The following CELF2 variants were observed in gnomAD, a reference collection of about 807,000 sequenced individuals.
CELF2 encodes the protein CUGBP Elav-like family member 2, also known as CUG triplet repeat RNA-binding protein 2.
In CELF2, 8 loss-of-function variants were observed where a neutral mutation model predicts 62.6. The observed-to-expected ratio is 0.13, with a 90% confidence interval of 0.07 to 0.23. The LOEUF (loss-of-function observed/expected upper bound fraction) is 0.23, where lower values mean the gene tolerates loss of function less well. CELF2 is among the 10% of genes least tolerant of loss of function. The pLI, the probability that CELF2 is intolerant of heterozygous loss-of-function variation, is 1.00. For missense variants in CELF2, 333 were observed against 671.0 expected (o/e 0.50, Z 5.56); for synonymous variants, 258 against 250.0 (o/e 1.03, Z -0.30).
chr10:11,062,063 C>G (rs529940914), intron 1 of CELF2, among the ~76,000 whole-genome samples: 3 of 152,228 alleles, frequency 2.0e-5, no homozygotes, highest in Non-Finnish European at 4.4e-5. Context: ...CTGCCCTCCT[C>G]GGCCTCCCAA....
At chr10:10,511,407 C>G in the CELF2 span, among the ~76,000 whole-genome samples, 22 of 151,898 alleles carry the variant, frequency 1.4e-4, no homozygotes, top group African/African-American at 5.3e-4. Context: ...GTTAAGACTC[C>G]ATCTCAAAAC....
the CELF2 span, among the ~76,000 whole-genome samples, chr10:10,699,671 C>T: frequency 5.3e-5 from 8 of 152,216 alleles, no homozygotes; most frequent in African/African-American, 1.9e-4. Flanking sequence ...ATGGCTTGTA[C>T]ATTTGAGGAA....
At chr10:10,863,306 G>A (rs1200899905) in intron 1 of CELF2, among the ~76,000 whole-genome samples, 1 of 152,170 alleles carries the variant, frequency 6.6e-6, no homozygotes, top group Non-Finnish European at 1.5e-5. Context: ...CAATGTGTGT[G>A]TTCTCATATG....
At chr10:11,068,288 G>A (rs2068706480) in intron 1 of CELF2, among the ~76,000 whole-genome samples, 1 of 152,184 alleles carries the variant, frequency 6.6e-6, no homozygotes, top group South Asian at 2.1e-4. Flanking sequence ...TGAGAGAGAA[G>A]AAAATGATAT....
the CELF2 span, among the ~76,000 whole-genome samples, chr10:10,485,630 A>G: frequency 1.3e-5 from 2 of 152,200 alleles, no homozygotes; most frequent in African/African-American, 4.8e-5. Context: ...TATATTAACA[A>G]TGTTCACAGT....
the CELF2 span, among the ~76,000 whole-genome samples, chr10:10,785,606 G>A: frequency 1.3e-5 from 2 of 152,194 alleles, no homozygotes; most frequent in Non-Finnish European, 2.9e-5. Flanking sequence ...ATTATGTTAA[G>A]TGAAGTAAGC....
At chr10:10,660,355 G>A in the CELF2 span, among the ~76,000 whole-genome samples, 158 of 152,340 alleles carry the variant, frequency 1.0e-3, no homozygotes, top group Non-Finnish European at 1.7e-3. Context: ...GATAGTGTGT[G>A]TTGGAGCAAA....
chr10:10,987,161 C>A (rs185650437), intron 2 of CELF2, among the ~76,000 whole-genome samples: 2 of 152,094 alleles, frequency 1.3e-5, no homozygotes, highest in Admixed American at 6.5e-5. Context: ...ACAGCAGAGA[C>A]GCTCAATTCC....
Position 10,979,737 on chromosome 10 carries a change from A to G in CELF2, c.89+59738A>G, listed in dbSNP as rs35640731. 3.5e-3 allele frequency among the ~76,000 whole-genome samples: 535 copies of G among 151,816 alleles called. 2 individuals carry two copies. The Middle Eastern group carries it at 0.038, about 11-fold the overall frequency. On this transcript the variant is annotated intron_variant, in intron 2 of 13. Coordinates refer to the CELF2 transcript ENST00000636488. ...AACCTCACAATTTACAAAGGACTTT[A>G]TCTAAGGAGCGAATCAAAGTTGACA... is the stretch of plus-strand genomic sequence containing the variant.
chr10:10,820,813 T>C lies in CELF2; in HGVS notation c.53+21996T>C, dbSNP rs1590789212. ...TTTTGTTCTCTCATTGTAAGAGCAA[T>C]GGAAACCATTTACACCTTCAAACAG... On this transcript the variant is annotated intron_variant, in intron 1 of 13. Coordinates refer to the CELF2 transcript ENST00000636488. Among the ~76,000 whole-genome samples the C allele has an allele frequency of 2.0e-5, 3 of 152,216 alleles. No homozygotes were observed. In the South Asian group the frequency reaches 6.2e-4, roughly 32 times the overall value.
At chr10:11,024,423 A>G (rs1288654456) in intron 1 of CELF2, among the ~76,000 whole-genome samples, 2 of 152,170 alleles carry the variant, frequency 1.3e-5, no homozygotes, top group Non-Finnish European at 2.9e-5. Flanking sequence ...CAACATGGCA[A>G]AACCCTGTGT....
At chr10:10,783,465 A>G in the CELF2 span, among the ~76,000 whole-genome samples, 1 of 152,192 alleles carries the variant, frequency 6.6e-6, no homozygotes, top group Non-Finnish European at 1.5e-5. Context: ...CAGCCTCAGA[A>G]GGAACCAACC....
intron 2 of CELF2, among the ~76,000 whole-genome samples, chr10:11,202,041 C>G (rs1193655810): frequency 6.6e-6 from 1 of 152,070 alleles, no homozygotes; most frequent in Non-Finnish European, 1.5e-5. Context: ...CATGACTGTA[C>G]CATGTAACAC....
the CELF2 span, among the ~76,000 whole-genome samples, chr10:10,755,677 G>T: frequency 6.6e-6 from 1 of 152,186 alleles, no homozygotes; most frequent in African/African-American, 2.4e-5. Flanking sequence ...CTCATGTGAT[G>T]GCCACGCCCC....
intron 1 of CELF2, among the ~76,000 whole-genome samples, chr10:11,128,434 G>A (rs866386711): frequency 1.2e-4 from 19 of 152,190 alleles, no homozygotes; most frequent in Non-Finnish European, 1.6e-4. Flanking sequence ...GTAGCTTGAT[G>A]GGGATGGCAT....
At chr10:10,790,523 GA>G in the CELF2 span, among the ~76,000 whole-genome samples, 1 of 152,066 alleles carries the variant, frequency 6.6e-6, no homozygotes, top group Non-Finnish European at 1.5e-5. Context: ...ACTAACGTGG[GA>G]ATTATTTTCC....
chr10:10,681,561 G>A, the CELF2 span, among the ~76,000 whole-genome samples: 40,611 of 151,932 alleles, frequency 0.27, 5,611 homozygotes, highest in South Asian at 0.47. Flanking sequence ...TTGGTCCCCA[G>A]TGAAATTTTA....
chr10:11,209,703 G>T (rs1204935456), intron 2 of CELF2, among the ~76,000 whole-genome samples: 1 of 151,590 alleles, frequency 6.6e-6, no homozygotes, highest in Non-Finnish European at 1.5e-5. Context: ...GCCAAAGCCA[G>T]TGACTGAGAG....
the CELF2 span, among the ~76,000 whole-genome samples, chr10:10,536,763 G>T: frequency 6.6e-6 from 1 of 152,208 alleles, no homozygotes; most frequent in East Asian, 1.9e-4. Flanking sequence ...TATTTACTGG[G>T]TAACTGAAAG....
Sources: gnomAD v4.1 joint callset for allele counts (sites outside exome capture counted in the v4.1 genomes callset) on GRCh38, gnomAD v4.1.1 for gene constraint, MANE v1.5 for transcripts, NCBI Gene and HGNC (gene_info 2026-07-23, HGNC 2026-07-21) for gene names.